Variants in SCN3A observed in about 807,000 individuals in gnomAD.
The protein encoded by SCN3A is sodium channel protein type 3 subunit alpha.
Under a neutral mutation model 187.6 loss-of-function variants are expected in SCN3A, and 60 were observed. That is an observed-to-expected ratio of 0.32 (90% confidence interval 0.26 to 0.40). SCN3A has a LOEUF of 0.40. Ranked by LOEUF, SCN3A falls within the 10% of genes least tolerant of loss-of-function variation. The pLI is 1.00. For missense variants in SCN3A, 1,601 were observed against 2,428.2 expected, an observed-to-expected ratio of 0.66 and a Z score of 7.16; for synonymous variants, 788 against 829.2, an observed-to-expected ratio of 0.95 and a Z score of 0.85.
rs748366121 is a variant in SCN3A at position 165,089,921 on chromosome 2, C to T, written c.*229G>A. ...AGGTAGCCATTGGGTTTCTCCTCAG[C>T]AGTGTCAGCTGGTAATAAAAACAGC... is the stretch of plus-strand genomic sequence containing the variant. On this transcript the variant is annotated 3_prime_UTR_variant, in exon 28 of 28. Transcript: ENST00000283254. 1 of 567,862 alleles carries T rather than the reference C, an allele frequency of 1.8e-6. No homozygotes were observed. Among genetic ancestry groups the T allele is most frequent in the Non-Finnish European group, 3.1e-6 (1 of 323,882 alleles). The allele number at this position is 567,862 out of a possible 1,614,324, so 35.2% of individuals were successfully genotyped here. A position where few individuals can be genotyped will look rare whatever the true frequency, so the allele number is the denominator to read the frequency against.
chr2:165,155,655 T>C, intron 10 of SCN3A, 107 bp downstream of exon 10: 1 of 1,300,904 alleles, frequency 7.7e-7, no homozygotes, highest in Non-Finnish European at 1.1e-6. Flanking sequence ...CGCCTCTGCC[T>C]CCCAAAGTGC....
chr2:165,174,698 T>C (rs1409355949), intron 3 of SCN3A, among the ~76,000 whole-genome samples: 5 of 152,220 alleles, frequency 3.3e-5, no homozygotes. Context: ...GATAATATTT[T>C]GTCCAATTTC....
At chr2:165,176,592 A>T in intron 2 of SCN3A, 148 bp from the exon 3 acceptor site, 1 of 623,110 alleles carries the variant, frequency 1.6e-6, no homozygotes, top group Non-Finnish European at 2.8e-6. Context: ...TGAACTTGAA[A>T]ACATCATCAT....
chr2:165,141,325 C>A (rs57792036), intron 12 of SCN3A, among the ~76,000 whole-genome samples: 29,883 of 151,980 alleles, frequency 0.2, 2,975 homozygotes, highest in South Asian at 0.27. Flanking sequence ...TAAATGATTT[C>A]TTTTGATGGG....
chr2:165,135,613 C>T (rs1337214430), intron 15 of SCN3A, among the ~76,000 whole-genome samples: 1 of 152,036 alleles, frequency 6.6e-6, no homozygotes, highest in Non-Finnish European at 1.5e-5. Flanking sequence ...CTCTCACATG[C>T]TCTTTCTCTG....
intron 19 of SCN3A, among the ~76,000 whole-genome samples, chr2:165,114,181 A>G (rs754399960): frequency 1.6e-4 from 24 of 152,090 alleles, no homozygotes; most frequent in Non-Finnish European, 2.6e-4. Flanking sequence ...TCAAGGAAAT[A>G]TTTTATCTAG....
At chr2:165,149,179 CT>C (rs11293055) in intron 11 of SCN3A, among the ~76,000 whole-genome samples, 143,063 of 145,044 alleles carry the variant, frequency 0.99, 70,551 homozygotes, top group East Asian at 0.99. Flanking sequence ...CACTTCCAAA[CT>C]TTTTTTTTTT....
intron 1 of SCN3A, among the ~76,000 whole-genome samples, chr2:165,201,005 G>A (rs959315025): frequency 6.6e-6 from 1 of 152,014 alleles, no homozygotes; most frequent in Non-Finnish European, 1.5e-5. Flanking sequence ...GTTATCTGGT[G>A]GTCTTAGTAG....
rs767542222 is a variant in SCN3A, at chr2:165,113,898, C to T, written c.3587G>A (p.Arg1196Gln). Residue 1196 changes from arginine to glutamine, a missense_variant, in exon 20 of 28, where the codon CGA (arginine) becomes CAA (glutamine). Transcript: ENST00000283254. The stretch of plus-strand genomic sequence containing the variant: ...CTCAACAATACTGTAGCAGGTTTTT[C>T]GAAGATTCCACCAGATCTTCCCTTT... The part of the protein sequence containing the change: ...EGKGKIWWNL[R>Q]KTCYSIVEHN... 5.0e-6 allele frequency: 8 copies of T among 1,613,484 alleles called. No homozygotes were observed. The highest frequency in any genetic ancestry group is 4.0e-5 in the African/African-American group (3 of 74,904).
At chr2:165,122,239 C>CTTTTTTTTTTTT (rs1286913407) in intron 18 of SCN3A, among the ~76,000 whole-genome samples, 6 of 128,914 alleles carry the variant, frequency 4.7e-5, no homozygotes, top group Non-Finnish European at 8.0e-5. Flanking sequence ...TCTTTTTTTT[C>CTTTTTTTTTTTT]TTTTTTTTTT....
At chr2:165,175,927 T>C (rs951319477) in intron 3 of SCN3A, among the ~76,000 whole-genome samples, 11 of 152,202 alleles carry the variant, frequency 7.2e-5, no homozygotes, top group African/African-American at 2.7e-4. Context: ...CATCTATTCA[T>C]ATTTCCTGAC....
intron 22 of SCN3A, among the ~76,000 whole-genome samples, chr2:165,097,871 A>G (rs867851101): frequency 6.6e-6 from 1 of 152,336 alleles, no homozygotes; most frequent in South Asian, 2.1e-4. Flanking sequence ...TCAGTAATAC[A>G]TTTTAATTTT....
rs1687876817 is a variant in SCN3A at position 165,139,594 on chromosome 2, T to A, written c.2034A>T (p.Glu678Asp). ...GQLPPEGTTT[E>D]TEVRKRRLSS... ...TTAACCTTCTCTTTCTGACTTCCGT[T>A]TCTGTGGTGGTGCCCTGCAAACCAA... Residue 678 changes from glutamate (E) to aspartate (D), a missense_variant, in exon 14 of 28, where the codon GAA (glutamate) becomes GAT (aspartate). Transcript: ENST00000283254. 1 of 1,613,870 alleles carries A rather than the reference T, an allele frequency of 6.2e-7. No homozygotes were observed. The highest frequency in any genetic ancestry group is 8.5e-7 in the Non-Finnish European group (1 of 1,179,858).
intron 17 of SCN3A, 40 bp downstream of exon 17, chr2:165,129,900 C>T: frequency 6.2e-7 from 1 of 1,612,888 alleles, no homozygotes. Flanking sequence ...CTACTGTCTG[C>T]TCTTGTTCTA....
chr2:165,162,343 T>G lies in SCN3A; in HGVS notation c.996A>C (p.Lys332Asn). 6.2e-7 allele frequency: 1 copy of G among 1,613,750 alleles called. No homozygotes were observed. The highest frequency in any genetic ancestry group is 1.7e-4 in the Middle Eastern group (1 of 6,048). ...DSHFYVLDGQ[K>N]DPLLCGNGSD... is the part of the protein sequence containing the mutation. ...AGCCATTTCCACAGAGTAAAGGGTC[T>G]TTTTGCCCATCCAAAACATAAAAGT... is the stretch of plus-strand genomic sequence containing the variant. The change falls in exon 9 of 28, where the codon AAA becomes AAC. Residue 332 changes from lysine to asparagine, a missense_variant. Lys to Asn is a moderately conservative substitution (Grantham distance 94). This residue lies in a region of SCN3A where 104 missense variants were observed against 102.7 expected (regional missense o/e 1.01). Transcript: ENST00000283254.
chr2:165,089,946 C>G lies in SCN3A; in HGVS notation c.*204G>C. 1.5e-6 allele frequency: 1 copy of G among 657,092 alleles called. No individual in the cohort carries two copies. Among genetic ancestry groups the G allele is most frequent in the South Asian group, 2.0e-5 (1 of 49,514 alleles). 40.7% of individuals were successfully genotyped at this position (657,092 alleles called of 1,614,324 possible). A position where few individuals can be genotyped will look rare whatever the true frequency, so the allele number is the denominator to read the frequency against. Reference sequence around the variant, plus strand: ...CAGTGTCAGCTGGTAATAAAAACAGCAACCTCTTGTCAATGTTGATACCCT... The same window carrying G: ...CAGTGTCAGCTGGTAATAAAAACAGGAACCTCTTGTCAATGTTGATACCCT... On this transcript the variant is annotated 3_prime_UTR_variant, in exon 28 of 28. Transcript: ENST00000283254.
chr2:165,131,490 A>G (rs1687313712), intron 15 of SCN3A, 73 bp from the exon 16 acceptor site: 1 of 1,010,980 alleles, frequency 9.9e-7, no homozygotes, highest in Non-Finnish European at 1.5e-6. Context: ...ATAAAGAAGA[A>G]CATTAACAGG....
At chr2:165,154,934 A>T (rs938343356) in intron 10 of SCN3A, among the ~76,000 whole-genome samples, 1 of 152,190 alleles carries the variant, frequency 6.6e-6, no homozygotes, top group East Asian at 1.9e-4. Flanking sequence ...ATTAGAGTTC[A>T]TATGCAGAGC....
chr2:165,120,714 T>A (rs1249648740), intron 18 of SCN3A, among the ~76,000 whole-genome samples: 4 of 151,960 alleles, frequency 2.6e-5, no homozygotes, highest in African/African-American at 9.7e-5. Flanking sequence ...TCTTGACTTA[T>A]GATATTTCAC....
Sources: allele counts gnomAD v4.1 joint callset (sites outside exome capture counted in the v4.1 genomes callset), GRCh38; gene constraint gnomAD v4.1.1; regional missense constraint gnomAD v4.1.1; transcripts MANE v1.5; gene names NCBI Gene and HGNC (gene_info 2026-07-23, HGNC 2026-07-21).